Variants in MUC17 observed in about 807,000 individuals in gnomAD.
The protein encoded by MUC17 is mucin-17.
A neutral mutation model predicts 170.3 loss-of-function variants in MUC17; 190 were observed. The observed-to-expected ratio is 1.12, with a 90% CI of 0.99 to 1.26. The LOEUF is 1.26. MUC17 is among the 50% of genes most tolerant of loss of function. MUC17 has a pLI of 0.00. For synonymous variants in MUC17, 2,325 were observed against 2,002.5 expected (o/e 1.16, Z -4.30); for missense variants, 6,415 against 5,530.0 (o/e 1.16, Z -5.08).
rs1419626062 is a variant in MUC17, at chr7:101,037,926, C to T, written c.6510C>T (p.Thr2170=). 1 of 1,609,824 alleles carries T rather than the reference C, an allele frequency of 6.2e-7. No homozygotes were observed. Among genetic ancestry groups the T allele is most frequent in the Admixed American group, 1.7e-5 (1 of 59,732 alleles). Residue 2170 remains threonine (T), a synonymous_variant, in exon 3 of 13, where the codon ACC becomes ACT. Transcript: ENST00000306151. ...RTPLTSMPVS[T]TVVASSAIST... ...CTTTAACAAGTATGCCTGTCAGCAC[C>T]ACAGTGGTGGCCAGTTCTGCAATCA...
chr7:101,020,521 G>C (rs1347674119), intron 1 of MUC17, among the ~76,000 whole-genome samples: 1 of 151,990 alleles, frequency 6.6e-6, no homozygotes, highest in Non-Finnish European at 1.5e-5. Flanking sequence ...GCAGCTGCTA[G>C]GATTGAAAAG....
intron 12 of MUC17, among the ~76,000 whole-genome samples, chr7:101,057,678 G>C (rs148156739): frequency 6.6e-6 from 1 of 152,144 alleles, no homozygotes; most frequent in East Asian, 1.9e-4. Flanking sequence ...CCAGGAGTTT[G>C]AGATCACCCT....
At chr7:101,048,187 C>T in intron 4 of MUC17, 72 bp downstream of exon 4, 1 of 1,425,972 alleles carries the variant, frequency 7.0e-7, no homozygotes, top group South Asian at 1.6e-5. Context: ...ACAGTTCCTG[C>T]CCCACCTTGA....
At position 101,058,032 on chromosome 7, in the gene MUC17, G is replaced by A. The variant is rs565881797; in HGVS notation, c.13470G>A (p.Thr4490=). 24 of 1,613,792 alleles carry A rather than the reference G, an allele frequency of 1.5e-5. No homozygotes were observed. In the African/African-American group the frequency reaches 1.9e-4, roughly 13 times the overall value. The part of the protein sequence containing the change: ...KIRIQRPQVM[T]TSF ...GAATTCAGAGGCCTCAGGTAATGAC[G>A]ACATCATTTTAAGGCATGGAGCTGA... Residue 4490 remains threonine (T), a synonymous_variant, in exon 13 of 13, where the codon ACG becomes ACA. Coordinates refer to ENST00000306151, the MANE Select transcript of MUC17 (RefSeq NM_001040105.2).
rs1411888436 is a variant in MUC17 at position 101,033,269 on chromosome 7, G to C, written c.1853G>C (p.Ser618Thr). ...SSSSTTAEGT[S>T]MPTSTYSERG... ...TCTTCTACAACTGCTGAAGGTACCAGCATGCCAACCTCAACTTACAGTGAA... is the reference window on the plus strand; with the variant it reads ...TCTTCTACAACTGCTGAAGGTACCACCATGCCAACCTCAACTTACAGTGAA... Residue 618 changes from serine (S) to threonine (T), a missense_variant, in exon 3 of 13, where the codon AGC (serine) becomes ACC (threonine). Coordinates refer to ENST00000306151, the MANE Select transcript of MUC17 (RefSeq NM_001040105.2). 6.2e-7 allele frequency: 1 copy of C among 1,614,054 alleles called. No individual in the cohort carries two copies. The highest frequency in any genetic ancestry group is 8.5e-7 in the Non-Finnish European group (1 of 1,180,026).
In MUC17 at chr7:101,051,686, G is replaced by T; in HGVS notation, c.12943+5G>T. 6.2e-7 allele frequency: 1 copy of T among 1,611,422 alleles called. No homozygotes were observed. The highest frequency in any genetic ancestry group is 8.5e-7 in the Non-Finnish European group (1 of 1,179,136). ...TGACCCAGTACGACCCTGAAGGTAGGTGATAACACAAGGGGTTTGGGGGAA... is the reference window on the plus strand; with the variant it reads ...TGACCCAGTACGACCCTGAAGGTAGTTGATAACACAAGGGGTTTGGGGGAA... On this transcript the variant is annotated splice_donor_5th_base_variant and intron_variant, in intron 8 of 12. Transcript: ENST00000306151.
Position 101,031,982 on chromosome 7 carries a change from C to A in MUC17, c.566C>A (p.Thr189Asn). ...AAGGTTGATATGAGCACACCTCTGA[C>A]CACTTCTACTCAGGCAAGTTCATCT... ...TYKVDMSTPL[T>N]TSTQASSSPT... The change falls in exon 3 of 13, where the codon ACC (threonine) becomes AAC (asparagine). Residue 189 changes from threonine (T) to asparagine (N), a missense_variant. Coordinates refer to ENST00000306151, the MANE Select transcript of MUC17 (RefSeq NM_001040105.2). The A allele has an allele frequency of 6.2e-7, 1 of 1,614,198 alleles. No homozygotes were observed. Among genetic ancestry groups the A allele is most frequent in the South Asian group, 1.1e-5 (1 of 91,088 alleles).
chr7:101,047,910 T>C lies in MUC17; in HGVS notation c.12404-74T>C. 2.0e-6 allele frequency: 3 copies of C among 1,472,604 alleles called. No individual in the cohort carries two copies. In the South Asian group the frequency reaches 4.3e-5, roughly 21 times the overall value. The allele number at this position is 1,472,604 out of a possible 1,614,324, so 91.2% of individuals were successfully genotyped here. On this transcript the variant is annotated intron_variant, in intron 3 of 12. Transcript: ENST00000306151. Reference sequence around the variant, plus strand: ...TGCTGTGCTCAACATGTAACCACAGTAGATCCCTGCTCCTTCCAGTGAGGT... The same window carrying C: ...TGCTGTGCTCAACATGTAACCACAGCAGATCCCTGCTCCTTCCAGTGAGGT...
Position 101,034,214 on chromosome 7 carries a change from C to G in MUC17, c.2798C>G (p.Thr933Ser). ...STPLTSMPDS[T>S]TPVVSSEART... ...CCATTAACAAGTATGCCTGACAGCACCACGCCGGTAGTCAGTTCTGAGGCT... is the reference window on the plus strand; with the variant it reads ...CCATTAACAAGTATGCCTGACAGCAGCACGCCGGTAGTCAGTTCTGAGGCT... Residue 933 changes from threonine (T) to serine (S), a missense_variant, in exon 3 of 13, where the codon ACC (threonine) becomes AGC (serine). Thr to Ser is a moderately conservative substitution (Grantham distance 58). Transcript: ENST00000306151. 6.2e-7 allele frequency: 1 copy of G among 1,601,310 alleles called. No homozygotes were observed. The highest frequency in any genetic ancestry group is 8.5e-7 in the Non-Finnish European group (1 of 1,173,744).
intron 3 of MUC17, among the ~76,000 whole-genome samples, chr7:101,044,145 C>G (rs1247221557): frequency 6.6e-6 from 1 of 152,200 alleles, no homozygotes; most frequent in African/African-American, 2.4e-5. Context: ...CCAGCTTCAT[C>G]CATGTCCCTA....
chr7:101,035,607 G>A lies in MUC17; in HGVS notation c.4191G>A (p.Pro1397=), dbSNP rs373650163. The change falls in exon 3 of 13, where the codon CCG becomes CCA. Residue 1397 remains proline, a synonymous_variant. Transcript: ENST00000306151. ...CAAATCCTAGTGAAGGAACCACTCC[G>A]TTAACAAGTATACCTGTCAGCACCA... ...PNSNPSEGTT[P]LTSIPVSTTP... 178 of 1,598,566 alleles carry A rather than the reference G, an allele frequency of 1.1e-4. No individual in the cohort carries two copies. Among genetic ancestry groups the A allele is most frequent in the East Asian group, 5.0e-4 (22 of 43,832 alleles).
Position 101,035,700 on chromosome 7 carries a change from C to A in MUC17, c.4284C>A (p.Thr1428=). The A allele has an allele frequency of 6.2e-7, 1 of 1,608,694 alleles. No individual in the cohort carries two copies. The highest frequency in any genetic ancestry group is 8.5e-7 in the Non-Finnish European group (1 of 1,177,000). ...CTGTTGACACCAGCACCCCTGGGAC[C>A]ACTTCTGCTGAAGCCACTTCATCTC... ...ATPVDTSTPG[T]TSAEATSSPT... Residue 1428 remains threonine (T), a synonymous_variant, in exon 3 of 13, where the codon ACC becomes ACA. Coordinates refer to ENST00000306151, the MANE Select transcript of MUC17 (RefSeq NM_001040105.2).
Position 101,051,968 on chromosome 7 carries a change from T to A in MUC17, c.13103+6T>A. ...CTAAGTGGACCTCAGTGCCTGTGAG[T>A]GCTCCCCCATCTCCTCCAGCCCAGC... On this transcript the variant is annotated splice_donor_region_variant and intron_variant, in intron 9 of 12. Transcript: ENST00000306151. 1 of 1,609,200 alleles carries A rather than the reference T, an allele frequency of 6.2e-7. No homozygotes were observed. The highest frequency in any genetic ancestry group is 8.5e-7 in the Non-Finnish European group (1 of 1,176,536).
At chr7:101,046,714 G>C (rs1193595096) in intron 3 of MUC17, among the ~76,000 whole-genome samples, 1 of 151,966 alleles carries the variant, frequency 6.6e-6, no homozygotes, top group Non-Finnish European at 1.5e-5. Context: ...GGAGGTCAAG[G>C]CTGTAGTGAG....
Position 101,033,342 on chromosome 7 carries a change from C to T in MUC17, c.1926C>T (p.Ala642=). The change falls in exon 3 of 13, where the codon GCC becomes GCT. Residue 642 remains alanine (A), a synonymous_variant. Transcript: ENST00000306151. ...TGTCTGTCAGCACCACACTGGTGGC[C>T]AGTTCTGAGGCTAGCACCCTTTCAA... The part of the protein sequence containing the change: ...TSMSVSTTLV[A]SSEASTLSTT... 1 of 1,613,834 alleles carries T rather than the reference C, an allele frequency of 6.2e-7. No homozygotes were observed. Among genetic ancestry groups the T allele is most frequent in the South Asian group, 1.1e-5 (1 of 91,042 alleles).
rs560043179 is a variant in MUC17 at position 101,021,314 on chromosome 7, T to C, written c.82+1097T>C. On this transcript the variant is annotated intron_variant, in intron 1 of 12. Transcript: ENST00000306151. ...GATTCTCCCGCCTCAGGCTCTTGAG[T>C]AGCTGGGATTACAGCCACATGCCAC... is the stretch of plus-strand genomic sequence containing the variant. Among the ~76,000 whole-genome samples the C allele has an allele frequency of 1.8e-3, 268 of 151,476 alleles. 2 individuals are homozygous for C. The highest frequency in any genetic ancestry group is 6.4e-3 in the African/African-American group (263 of 41,274).
chr7:101,034,802 G>A lies in MUC17; in HGVS notation c.3386G>A (p.Ser1129Asn), dbSNP rs201324731. ...CTTTCCACAACTCCTGTCGACACCA[G>A]CATACCTGTCACCACTTCTACTGAA... is the stretch of plus-strand genomic sequence containing the variant. ...STLSTTPVDT[S>N]IPVTTSTEAS... The change falls in exon 3 of 13, where the codon AGC (serine) becomes AAC (asparagine). Residue 1129 changes from serine (S) to asparagine (N), a missense_variant. Ser to Asn is a conservative substitution (Grantham distance 46, BLOSUM62 1). Transcript: ENST00000306151. 52 of 1,602,098 alleles carry A rather than the reference G, an allele frequency of 3.2e-5. No homozygotes were observed. The highest frequency in any genetic ancestry group is 4.2e-5 in the Non-Finnish European group (49 of 1,173,574).
At chr7:101,053,255 C>G (rs1298065902) in intron 10 of MUC17, 84 bp from the exon 11 acceptor site, 1 of 1,582,452 alleles carries the variant, frequency 6.3e-7, no homozygotes, top group Non-Finnish European at 8.7e-7. Flanking sequence ...GCGGGGGCAG[C>G]TAAAAATGGG....
At position 101,043,106 on chromosome 7, in the gene MUC17, C is replaced by T. The variant is rs1304753212; in HGVS notation, c.11690C>T (p.Thr3897Ile). 2 of 1,614,078 alleles carry T rather than the reference C, an allele frequency of 1.2e-6. No homozygotes were observed. Among genetic ancestry groups the T allele is most frequent in the South Asian group, 1.1e-5 (1 of 91,088 alleles). The change falls in exon 3 of 13, where the codon ACA becomes ATA. Residue 3897 changes from threonine to isoleucine, a missense_variant. By Grantham distance (89) the Thr-to-Ile change is moderately conservative (BLOSUM62 -1). Transcript: ENST00000306151. ...TTTCCTGGGGCCAGCATAGCTTCGA[C>T]ACCTCCTCTTGACACAAGCACAACT... ...TSFPGASIASTPPLDTSTTFT... is the reference protein window; with the variant it reads ...TSFPGASIASIPPLDTSTTFT...
Sources: gnomAD v4.1 joint callset for allele counts (sites outside exome capture counted in the v4.1 genomes callset) on GRCh38, gnomAD v4.1.1 for gene constraint, MANE v1.5 for transcripts, NCBI Gene and HGNC (gene_info 2026-07-23, HGNC 2026-07-21) for gene names.